The following JAKMIP3 variants were observed in gnomAD, a reference collection of about 807,000 sequenced individuals.
JAKMIP3 encodes janus kinase and microtubule-interacting protein 3.
In JAKMIP3, 58 loss-of-function variants were observed where a neutral mutation model predicts 118.5. The ratio of observed to expected loss-of-function variants is 0.49; its 90% confidence interval spans 0.40 to 0.61. The LOEUF (loss-of-function observed/expected upper bound fraction) is 0.61. Ranked by LOEUF, JAKMIP3 falls within the 20% of genes least tolerant of loss-of-function variation. JAKMIP3 has a pLI of 0.00. For missense variants in JAKMIP3, 950 were observed against 1,109.0 expected (o/e 0.86, Z 2.04); for synonymous variants, 486 against 451.2 (o/e 1.08, Z -0.98).
intron 1 of JAKMIP3, among the ~76,000 whole-genome samples, chr10:132,079,130 G>A (rs1037617416): frequency 2.7e-5 from 4 of 146,606 alleles, no homozygotes; most frequent in Non-Finnish European, 4.5e-5. Flanking sequence ...CCCCCGCAAC[G>A]TGGGCACCTG....
At chr10:132,101,440 T>G (rs924332293) in intron 1 of JAKMIP3, among the ~76,000 whole-genome samples, 3 of 152,264 alleles carry the variant, frequency 2.0e-5, no homozygotes. Flanking sequence ...GGGATGGGTC[T>G]AAATGTTGAC....
At chr10:132,159,298 G>A (rs568450732) in intron 19 of JAKMIP3, among the ~76,000 whole-genome samples, 10 of 117,898 alleles carry the variant, frequency 8.5e-5, no homozygotes, top group Admixed American at 1.8e-4. Flanking sequence ...TGCTGGGGGC[G>A]CCTCTCCCTG....
Position 132,044,395 on chromosome 10 carries a change from C to T in JAKMIP3, c.-138+7657C>T, listed in dbSNP as rs1342280438. ...GTCATCTTAGCAGTGACCACTGCCA[C>T]CAACGAGTTGTCACAATTCTGCAAG... On this transcript the variant is annotated intron_variant, in intron 1 of 23. Transcript: ENST00000657785. The surrounding 1 kb of genome is among the most constrained non-coding windows in gnomAD (Gnocchi z 5.3). Among the ~76,000 whole-genome samples the T allele has an allele frequency of 6.6e-6, 1 of 152,208 alleles. No homozygotes were observed. Among genetic ancestry groups the T allele is most frequent in the Non-Finnish European group, 1.5e-5 (1 of 68,040 alleles).
chr10:132,144,246 T>G (rs1302617936), intron 11 of JAKMIP3: 1 of 152,224 alleles, frequency 6.6e-6, no homozygotes, highest in Non-Finnish European at 1.5e-5. Flanking sequence ...CAAACCAGGA[T>G]GCGGACGGGG....
rs182258408 is a variant in JAKMIP3, at chr10:132,140,677, G to A, written c.1473+98G>A. On this transcript the variant is annotated intron_variant, in intron 10 of 23. Coordinates refer to ENST00000684848, the MANE Select transcript of JAKMIP3 (RefSeq NM_001323087.2). Reference sequence around the variant, plus strand: ...GAGGAGGTAACGAGGGTCTCCTGCCGGGTCCTGGGCTTGGCTGGGCATGGG... The same window carrying A: ...GAGGAGGTAACGAGGGTCTCCTGCCAGGTCCTGGGCTTGGCTGGGCATGGG... 2.0e-3 allele frequency: 2,878 copies of A among 1,451,456 alleles called. 18 individuals are homozygous for A. The highest frequency in any genetic ancestry group is 2.2e-3 in the Non-Finnish European group (2,419 of 1,084,268). The allele number at this position is 1,451,456 out of a possible 1,614,324, so 89.9% of individuals were successfully genotyped here.
intron 19 of JAKMIP3, among the ~76,000 whole-genome samples, chr10:132,158,077 CCCCG>C (rs1197092132): frequency 2.4e-5 from 2 of 81,674 alleles, no homozygotes; most frequent in African/African-American, 1.7e-4. Context: ...CCCACCGCCC[CCCCG>C]CCCCGCCCCG....
At chr10:132,159,455 G>A (rs117543851) in intron 19 of JAKMIP3, among the ~76,000 whole-genome samples, 10,595 of 103,172 alleles carry the variant, frequency 0.1, 685 homozygotes, top group Non-Finnish European at 0.14. Context: ...GTGATGCTGG[G>A]TGGGGGGGCT....
intron 3 of JAKMIP3, among the ~76,000 whole-genome samples, chr10:132,132,905 A>G (rs540702236): frequency 3.9e-4 from 60 of 152,310 alleles, no homozygotes; most frequent in African/African-American, 1.3e-3. Context: ...TCCTATTGGC[A>G]GAGTGTGGGT....
intron 2 of JAKMIP3, among the ~76,000 whole-genome samples, chr10:132,109,928 G>A (rs2046591253): frequency 6.6e-6 from 1 of 152,238 alleles, no homozygotes; most frequent in African/African-American, 2.4e-5. Flanking sequence ...ACAATTGGCA[G>A]CATCAATGCT....
Position 132,180,750 on chromosome 10 carries a change from C to CGCGTGTGTGT in JAKMIP3, c.*1104-1598_*1104-1597insTGCGTGTGTG, listed in dbSNP as rs2061232453. Among the ~76,000 whole-genome samples the CGCGTGTGTGT allele has an allele frequency of 1.6e-4, 2 of 12,700 alleles. 1 individual carries two copies. The highest frequency in any genetic ancestry group is 1.7e-3 in the Admixed American group (2 of 1,180). The allele number at this position is 12,700 out of a possible 152,430, so 8.3% of individuals were successfully genotyped here. A position where few individuals can be genotyped will look rare whatever the true frequency, so the allele number is the denominator to read the frequency against. On this transcript the variant is annotated intron_variant, in intron 23 of 23. Transcript: ENST00000684848. ...GTGTGCGTGTGTGCGTGCGTGCGCG[C>CGCGTGTGTGT]GCGTGTGTGCGTGTGTGTGCGTGTG...
chr10:132,119,144 C>A (rs1191800713), intron 3 of JAKMIP3, among the ~76,000 whole-genome samples: 1 of 152,154 alleles, frequency 6.6e-6, no homozygotes, highest in African/African-American at 2.4e-5. Context: ...CATGCTCCAA[C>A]CTGTGTCTTC....
At position 132,138,862 on chromosome 10, in the gene JAKMIP3, G is replaced by A. The variant is rs915011480; in HGVS notation, c.1344+684G>A. Among the ~76,000 whole-genome samples the A allele has an allele frequency of 5.2e-4, 79 of 152,282 alleles. 1 individual carries two copies. The highest frequency in any genetic ancestry group is 1.9e-3 in the African/African-American group (77 of 41,554). ...GCCTGTCCTGCCGTTCACCGTCCTC[G>A]GCCACACTTGCAGGCTGTGGCAGCC... On this transcript the variant is annotated intron_variant, in intron 9 of 23. Transcript: ENST00000684848.
At chr10:132,177,000 A>G (rs545589542) in intron 23 of JAKMIP3, among the ~76,000 whole-genome samples, 1 of 152,220 alleles carries the variant, frequency 6.6e-6, no homozygotes, top group African/African-American at 2.4e-5. Context: ...ACCAAGGGCG[A>G]AGGTGTTTCT....
intron 1 of JAKMIP3, among the ~76,000 whole-genome samples, chr10:132,048,323 T>C (rs2037988548): frequency 6.6e-6 from 1 of 152,164 alleles, no homozygotes; most frequent in Admixed American, 6.5e-5. Context: ...GAGTCTCTGC[T>C]CCTGGCCTTG....
At position 132,138,779 on chromosome 10, in the gene JAKMIP3, C is replaced by T. The variant is rs1005786064; in HGVS notation, c.1344+601C>T. 3.9e-5 allele frequency among the ~76,000 whole-genome samples: 6 copies of T among 152,240 alleles called. No homozygotes were observed. The East Asian group carries it at 5.8e-4, about 15-fold the overall frequency. On this transcript the variant is annotated intron_variant, in intron 9 of 23. Coordinates refer to ENST00000684848, the MANE Select transcript of JAKMIP3 (RefSeq NM_001323087.2). ...CCTGTGGGATGCACGGCTCTGAGGA[C>T]GGGCGGCTGAGGCTGCTCACACTCA...
Position 132,149,403 on chromosome 10 carries a change from C to T in JAKMIP3, c.1849-9C>T, listed in dbSNP as rs776779892. Reference sequence around the variant, plus strand: ...GGGAGCGGCTCACCCTTCTGTCCCTCTGTCCTAGGAGAGGGAGAGGAAGTC... The same window carrying T: ...GGGAGCGGCTCACCCTTCTGTCCCTTTGTCCTAGGAGAGGGAGAGGAAGTC... On this transcript the variant is annotated splice_polypyrimidine_tract_variant and intron_variant, in intron 14 of 23. Transcript: ENST00000684848. 8 of 1,582,916 alleles carry T rather than the reference C, an allele frequency of 5.1e-6. No homozygotes were observed. Among genetic ancestry groups the T allele is most frequent in the East Asian group, 2.3e-5 (1 of 43,796 alleles).
intron 1 of JAKMIP3, among the ~76,000 whole-genome samples, chr10:132,098,003 CCTCCTTCCTTTTTTTTTT>C: frequency 8.8e-6 from 1 of 113,216 alleles, no homozygotes; most frequent in Non-Finnish European, 1.9e-5. Context: ...TTCCCCTTCC[CCTCCTTCCTTTTTTTTTT>C]CTTTCTTCTT....
chr10:132,098,356 T>G (rs2044316328), intron 1 of JAKMIP3, among the ~76,000 whole-genome samples: 1 of 152,168 alleles, frequency 6.6e-6, no homozygotes, highest in South Asian at 2.1e-4. Context: ...TGAAATGTGC[T>G]AGATTCAGTT....
At chr10:132,071,640 T>C (rs1326974181) in intron 1 of JAKMIP3, among the ~76,000 whole-genome samples, 1 of 152,246 alleles carries the variant, frequency 6.6e-6, no homozygotes, top group African/African-American at 2.4e-5. Flanking sequence ...TACATATAGA[T>C]TTAGGATTGG....
Sources: allele counts gnomAD v4.1 joint callset (sites outside exome capture counted in the v4.1 genomes callset), GRCh38; gene constraint gnomAD v4.1.1; non-coding constraint Gnocchi (gnomAD v3.1); transcripts MANE v1.5; gene names NCBI Gene and HGNC (gene_info 2026-07-23, HGNC 2026-07-21).